PLPPR1: variants seen among roughly 807,000 people sequenced by gnomAD.
The protein encoded by PLPPR1 is phospholipid phosphatase related 1.
PLPPR1 carries 10 observed loss-of-function variants against 33.1 expected under a neutral mutation model. That is an observed-to-expected ratio of 0.30 (90% CI 0.19 to 0.51). The LOEUF is 0.51. PLPPR1 is among the 20% of genes least tolerant of loss of function. The pLI is 0.97. For missense variants in PLPPR1, 304 were observed against 408.1 expected, an observed-to-expected ratio of 0.74 and a Z score of 2.20; for synonymous variants, 151 against 151.0, an observed-to-expected ratio of 1.00 and a Z score of 0.00.
At chr9:101,144,262 G>A (rs2163485) in intron 1 of PLPPR1, among the ~76,000 whole-genome samples, 1 of 151,512 alleles carries the variant, frequency 6.6e-6, no homozygotes, top group African/African-American at 2.4e-5. Flanking sequence ...ACCGGGGCCT[G>A]TTGGGGGTGG....
chr9:101,123,470 G>T (rs527896045), intron 1 of PLPPR1, among the ~76,000 whole-genome samples: 5 of 152,266 alleles, frequency 3.3e-5, no homozygotes, highest in Non-Finnish European at 5.9e-5. Context: ...GGTCGTGGGG[G>T]TGATGAAGTC....
chr9:101,077,429 A>G (rs1030587416), intron 1 of PLPPR1, among the ~76,000 whole-genome samples: 9 of 151,956 alleles, frequency 5.9e-5, no homozygotes, highest in African/African-American at 1.9e-4. Context: ...TTTTTCATGT[A>G]TTCTAGACAT....
At chr9:101,302,547 A>G (rs755874956) in intron 4 of PLPPR1, among the ~76,000 whole-genome samples, 3 of 152,348 alleles carry the variant, frequency 2.0e-5, no homozygotes, top group Non-Finnish European at 4.4e-5. Flanking sequence ...GTGGAAAAGA[A>G]AAAGCAAAAG....
At chr9:101,184,578 G>A (rs1487225365) in intron 1 of PLPPR1, among the ~76,000 whole-genome samples, 2 of 151,932 alleles carry the variant, frequency 1.3e-5, no homozygotes, top group Non-Finnish European at 2.9e-5. Context: ...GAAATGTGTA[G>A]TATTGCTTTG....
chr9:101,110,582 C>G (rs181088029), intron 1 of PLPPR1, among the ~76,000 whole-genome samples: 103 of 152,104 alleles, frequency 6.8e-4, no homozygotes, highest in African/African-American at 2.3e-3. Flanking sequence ...CATGATATAT[C>G]CAGGCCACTA....
chr9:101,319,883 C>T lies in PLPPR1; in HGVS notation c.945+2387C>T, dbSNP rs543571396. On this transcript the variant is annotated intron_variant, in intron 7 of 7. Transcript: ENST00000374874. ...GTCTCTGTGTCCTTGTAAATGCTAT[C>T]CCCCGAATATCCTGATATAAGAACA... Among the ~76,000 whole-genome samples the T allele has an allele frequency of 2.0e-5, 3 of 152,200 alleles. No individual in the cohort carries two copies. In the East Asian group the frequency reaches 5.8e-4, roughly 29 times the overall value.
chr9:101,153,826 G>A (rs760253637), intron 1 of PLPPR1, among the ~76,000 whole-genome samples: 5 of 151,118 alleles, frequency 3.3e-5, no homozygotes, highest in South Asian at 4.2e-4. Flanking sequence ...CTCGTGATCC[G>A]CCCACCTCGG....
intron 2 of PLPPR1, among the ~76,000 whole-genome samples, chr9:101,206,581 A>T (rs1826591664): frequency 6.6e-6 from 1 of 152,104 alleles, no homozygotes; most frequent in Non-Finnish European, 1.5e-5. Context: ...AAGGGGGCAG[A>T]GGTGGGGATG....
chr9:101,170,772 CA>C (rs1229859934), intron 1 of PLPPR1, among the ~76,000 whole-genome samples: 2 of 151,944 alleles, frequency 1.3e-5, no homozygotes, highest in Non-Finnish European at 2.9e-5. Context: ...TCTATCTTTA[CA>C]AAAACATTTT....
At chr9:101,089,183 C>G (rs1053654671) in intron 1 of PLPPR1, among the ~76,000 whole-genome samples, 3 of 152,036 alleles carry the variant, frequency 2.0e-5, no homozygotes, top group African/African-American at 7.2e-5. Context: ...ATCCTCACAA[C>G]AGCCAAATGA....
chr9:101,287,791 G>T (rs1387722268), intron 4 of PLPPR1, among the ~76,000 whole-genome samples: 2 of 152,116 alleles, frequency 1.3e-5, no homozygotes, highest in African/African-American at 4.8e-5. Context: ...ATGAGCCACT[G>T]TGCCCGGCCC....
At chr9:101,309,094 A>G in intron 4 of PLPPR1, 117 bp from the exon 5 acceptor site, 2 of 994,730 alleles carry the variant, frequency 2.0e-6, no homozygotes, top group Non-Finnish European at 3.1e-6. Flanking sequence ...TACTCCGGGG[A>G]GTACTTAGAA....
Position 101,309,425 on chromosome 9 carries a change from C to T in PLPPR1, c.600C>T (p.His200=), listed in dbSNP as rs533413953. ...CTCGGAGATCCTTTCCCTCCAAACACGCTGCTCTGAGCATTTACTCCGCCT... is the reference window on the plus strand; with the variant it reads ...CTCGGAGATCCTTTCCCTCCAAACATGCTGCTCTGAGCATTTACTCCGCCT... The part of the protein sequence containing the change: ...EKARRSFPSK[H]AALSIYSALY... Residue 200 remains histidine (H), a synonymous_variant, in exon 5 of 8, where the codon CAC becomes CAT. Coordinates refer to ENST00000374874, the MANE Select transcript of PLPPR1 (RefSeq NM_207299.2). The T allele has an allele frequency of 3.5e-5, 56 of 1,614,102 alleles. No homozygotes were observed. The South Asian group carries it at 4.1e-4, about 12-fold the overall frequency.
chr9:101,291,452 G>C (rs1265156733), intron 4 of PLPPR1, among the ~76,000 whole-genome samples: 2 of 152,194 alleles, frequency 1.3e-5, no homozygotes, highest in African/African-American at 2.4e-5. Context: ...CTCCCAGCAC[G>C]CAGCTGGAGA....
chr9:101,036,462 T>C (rs1035760786), intron 1 of PLPPR1, among the ~76,000 whole-genome samples: 5 of 152,140 alleles, frequency 3.3e-5, no homozygotes, highest in Admixed American at 3.3e-4. Flanking sequence ...GAGGAAAATG[T>C]AAAGATCATC....
rs116799378 is a variant in PLPPR1, at chr9:101,172,326, G to A, written c.-45-13124G>A. ...TAAAAGATATCTCAATGAATATTCA[G>A]TATTTGGTAACAGACACACTAAAGG... On this transcript the variant is annotated intron_variant, in intron 1 of 7. Transcript: ENST00000374874. Among the ~76,000 whole-genome samples, 514 of 149,228 alleles carry A rather than the reference G, an allele frequency of 3.4e-3. 3 individuals are homozygous for A. The highest frequency in any genetic ancestry group is 0.012 in the African/African-American group (499 of 40,672).
chr9:101,252,055 G>C (rs955605667), intron 2 of PLPPR1, among the ~76,000 whole-genome samples: 3 of 152,034 alleles, frequency 2.0e-5, no homozygotes, highest in African/African-American at 7.2e-5. Flanking sequence ...TATAGAAAAG[G>C]TTTAAACTTA....
intron 1 of PLPPR1, among the ~76,000 whole-genome samples, chr9:101,157,404 C>T (rs12341807): frequency 0.16 from 24,290 of 152,146 alleles, 2,149 homozygotes; most frequent in Non-Finnish European, 0.2. Flanking sequence ...CATCTATAAA[C>T]ATTCAGTAAA....
chr9:101,163,074 C>A (rs2118674940), intron 1 of PLPPR1, among the ~76,000 whole-genome samples: 1 of 152,222 alleles, frequency 6.6e-6, no homozygotes, highest in South Asian at 2.1e-4. Flanking sequence ...TAGATGTGAA[C>A]AAATTAGGTG....
Sources: allele counts gnomAD v4.1 joint callset (sites outside exome capture counted in the v4.1 genomes callset), GRCh38; gene constraint gnomAD v4.1.1; transcripts MANE v1.5; gene names NCBI Gene and HGNC (gene_info 2026-07-23, HGNC 2026-07-21).